GRK4: variants seen among roughly 807,000 people sequenced by gnomAD.
The protein encoded by GRK4 is G protein-coupled receptor kinase 4, also known as G protein-coupled receptor kinase 2-like.
Under a neutral mutation model 77.9 loss-of-function variants are expected in GRK4, and 73 were observed. The observed-to-expected ratio is 0.94, with a 90% CI of 0.78 to 1.14. The LOEUF (loss-of-function observed/expected upper bound fraction) is 1.14. GRK4 is among the 50% of genes most tolerant of loss of function. GRK4 has a pLI of 0.00. For synonymous variants in GRK4, 257 were observed against 254.4 expected (o/e 1.01, Z -0.10); for missense variants, 729 against 700.2 (o/e 1.04, Z -0.46).
At chr4:2,966,028 G>A (rs1717542537) in intron 1 of GRK4, 1 of 159,052 alleles carries the variant, frequency 6.3e-6, no homozygotes, top group South Asian at 1.7e-4. Context: ...GCAGAGATTA[G>A]ATAATGAGAT....
chr4:3,015,553 T>C (rs1338279102), intron 8 of GRK4, among the ~76,000 whole-genome samples: 1 of 151,748 alleles, frequency 6.6e-6, no homozygotes, highest in Admixed American at 6.6e-5. Context: ...CAGGCGCCTG[T>C]AGTCCCAGCT....
At chr4:3,027,777 C>T (rs745871931) in intron 10 of GRK4, 135 bp from the exon 11 acceptor site, 14 of 621,748 alleles carry the variant, frequency 2.3e-5, no homozygotes, top group South Asian at 4.8e-5. Context: ...TGCCATTTTA[C>T]GTTTACTGTT....
chr4:3,038,562 A>AC (rs767639326), intron 15 of GRK4, 49 bp downstream of exon 15: 169 of 1,563,036 alleles, frequency 1.1e-4, no homozygotes, highest in Non-Finnish European at 1.4e-4. Flanking sequence ...GAAAAAAAAA[A>AC]AAACATACTG....
chr4:2,996,133 C>T (rs1188796032), intron 4 of GRK4, among the ~76,000 whole-genome samples: 1 of 151,894 alleles, frequency 6.6e-6, no homozygotes, highest in Non-Finnish European at 1.5e-5. Flanking sequence ...TGCATCATCA[C>T]TTGGTGGAAG....
chr4:2,977,230 T>C (rs1721483217), intron 1 of GRK4, among the ~76,000 whole-genome samples: 1 of 152,182 alleles, frequency 6.6e-6, no homozygotes, highest in Non-Finnish European at 1.5e-5. Context: ...CCCAGCAAAA[T>C]ACCTTCCTCG....
intron 12 of GRK4, among the ~76,000 whole-genome samples, chr4:3,032,816 C>T (rs532513303): frequency 4.6e-5 from 7 of 152,180 alleles, no homozygotes; most frequent in Non-Finnish European, 7.4e-5. Context: ...AGAAACAGTT[C>T]GTTCTTAAAG....
intron 7 of GRK4, among the ~76,000 whole-genome samples, chr4:3,011,590 C>G (rs760971700): frequency 5.9e-5 from 9 of 152,204 alleles, no homozygotes; most frequent in Non-Finnish European, 1.0e-4. Context: ...GTGTTGTACT[C>G]TCAGTCAAGG....
chr4:3,011,728 C>A (rs1732975391), intron 7 of GRK4, among the ~76,000 whole-genome samples: 1 of 152,228 alleles, frequency 6.6e-6, no homozygotes, highest in Non-Finnish European at 1.5e-5. Context: ...TTGCTTTTTC[C>A]AAGTGCTAGC....
At chr4:2,991,050 A>G (rs1049531305) in intron 3 of GRK4, among the ~76,000 whole-genome samples, 3 of 152,166 alleles carry the variant, frequency 2.0e-5, no homozygotes, top group Admixed American at 6.5e-5. Flanking sequence ...ATCAGTCAGG[A>G]TTCAACCAGA....
rs116680525 is a variant in GRK4 at position 2,975,312 on chromosome 4, C to T, written c.53-9201C>T. On this transcript the variant is annotated intron_variant, in intron 1 of 15. Coordinates refer to ENST00000398052, the MANE Select transcript of GRK4 (RefSeq NM_182982.3). ...GCCAGACTCTGTCTCAAAAAAAGAC[C>T]GGAAAGACCTCTGCTCTATTTCCTC... Among the ~76,000 whole-genome samples, 1,376 of 152,206 alleles carry T rather than the reference C, an allele frequency of 9.0e-3. 24 individuals are homozygous for T. Among genetic ancestry groups the T allele is most frequent in the African/African-American group, 0.031 (1,278 of 41,538 alleles).
intron 8 of GRK4, among the ~76,000 whole-genome samples, chr4:3,017,143 G>A (rs963602160): frequency 1.3e-5 from 2 of 152,224 alleles, no homozygotes; most frequent in African/African-American, 4.8e-5. Context: ...AAAAACTCCA[G>A]TGGCCACCTG....
In GRK4 at chr4:3,004,349, C is replaced by A; in HGVS notation, c.443+15C>A. 2 of 1,483,454 alleles carry A rather than the reference C, an allele frequency of 1.3e-6. No individual in the cohort carries two copies. Among genetic ancestry groups the A allele is most frequent in the Non-Finnish European group, 1.9e-6 (2 of 1,061,420 alleles). 91.9% of individuals were successfully genotyped at this position (1,483,454 alleles called of 1,614,324 possible). On this transcript the variant is annotated intron_variant, in intron 5 of 15. Coordinates refer to ENST00000398052, the MANE Select transcript of GRK4 (RefSeq NM_182982.3). ...GAATGTACTAGGTAAGTGGTTCATG[C>A]TGAGCCCTGCATATATTATCTATGA... is the stretch of plus-strand genomic sequence containing the variant.
At chr4:3,027,215 A>C (rs1210962279) in intron 10 of GRK4, among the ~76,000 whole-genome samples, 1 of 152,066 alleles carries the variant, frequency 6.6e-6, no homozygotes, top group Non-Finnish European at 1.5e-5. Context: ...AATTTTTTTA[A>C]AAATCTTTTT....
At position 2,963,751 on chromosome 4, in the gene GRK4, G is replaced by A. The variant is rs1716439775; in HGVS notation, c.-320G>A. 1 of 443,024 alleles carries A rather than the reference G, an allele frequency of 2.3e-6. No individual in the cohort carries two copies. The highest frequency in any genetic ancestry group is 4.0e-6 in the Non-Finnish European group (1 of 250,020). 27.4% of individuals were successfully genotyped at this position (443,024 alleles called of 1,614,324 possible). Reference sequence around the variant, plus strand: ...GGCAGGGCACTGAGGAGGGAGTTGCGCGCGCGAGGCGAGGGCGATGGGGCC... The same window carrying A: ...GGCAGGGCACTGAGGAGGGAGTTGCACGCGCGAGGCGAGGGCGATGGGGCC... On this transcript the variant is annotated 5_prime_UTR_variant, in exon 1 of 16. Transcript: ENST00000398052.
chr4:3,025,683 G>A (rs1013207103), intron 10 of GRK4, among the ~76,000 whole-genome samples: 5 of 151,902 alleles, frequency 3.3e-5, no homozygotes, highest in African/African-American at 1.2e-4. Flanking sequence ...TGAGCACCGC[G>A]CCCGGCCAGC....
rs147312019 is a variant in GRK4, at chr4:3,027,967, G to C, written c.1026G>C (p.Arg342Ser). The change falls in exon 11 of 16, where the codon AGG becomes AGC. Residue 342 changes from arginine to serine, a missense_variant. Arg to Ser is a moderately radical substitution (Grantham distance 110). Coordinates refer to ENST00000398052, the MANE Select transcript of GRK4 (RefSeq NM_182982.3). Reference protein sequence around the residue: ...GLATEIPEGQRVRGRVGTVGY... With the variant: ...GLATEIPEGQSVRGRVGTVGY... ...CCACAGAGATCCCAGAAGGACAGAG[G>C]GTTCGAGGAAGAGTTGGAACAGTCG... The C allele has an allele frequency of 7.3e-5, 118 of 1,614,158 alleles. No homozygotes were observed. The highest frequency in any genetic ancestry group is 4.9e-4 in the African/African-American group (37 of 75,034).
At chr4:2,981,747 C>T (rs1722937595) in intron 1 of GRK4, among the ~76,000 whole-genome samples, 1 of 152,252 alleles carries the variant, frequency 6.6e-6, no homozygotes, top group African/African-American at 2.4e-5. Context: ...TCAGTCTATC[C>T]CTGGCTTGAA....
intron 10 of GRK4, among the ~76,000 whole-genome samples, chr4:3,027,047 G>A (rs1056691884): frequency 1.3e-5 from 2 of 152,086 alleles, no homozygotes; most frequent in Non-Finnish European, 2.9e-5. Context: ...CGATAATTTC[G>A]TATTTTCTTT....
In GRK4 at chr4:2,984,568, G is replaced by A. The variant is rs2109565673; in HGVS notation, c.108G>A (p.Leu36=). 1 of 1,612,974 alleles carries A rather than the reference G, an allele frequency of 6.2e-7. No homozygotes were observed. The highest frequency in any genetic ancestry group is 2.2e-5 in the East Asian group (1 of 44,818). The change falls in exon 2 of 16, where the codon CTG becomes CTA. Residue 36 remains leucine (L), a synonymous_variant. Transcript: ENST00000398052. ...AAAAATGGAAGGAGATACTGACACT[G>A]CCTCCTGTCAGCCAGTGCAGTGAGC... ...RSKKWKEILT[L]PPVSQCSELR...
Sources: gnomAD v4.1 joint callset for allele counts (sites outside exome capture counted in the v4.1 genomes callset) on GRCh38, gnomAD v4.1.1 for gene constraint, MANE v1.5 for transcripts, NCBI Gene and HGNC (gene_info 2026-07-23, HGNC 2026-07-21) for gene names.